NLRP7: variants seen among roughly 807,000 people sequenced by gnomAD.
The protein encoded by NLRP7 is NACHT, LRR and PYD domains-containing protein 7.
NLRP7 carries 72 observed loss-of-function variants against 85.5 expected under a neutral mutation model. The observed-to-expected ratio is 0.84, with a 90% confidence interval of 0.70 to 1.02. The LOEUF is 1.02. Ranked by LOEUF, NLRP7 falls within the 50% of genes least tolerant of loss-of-function variation. The pLI, the probability that NLRP7 is intolerant of heterozygous loss-of-function variation, is 0.00. For synonymous variants in NLRP7, 550 were observed against 505.2 expected (o/e 1.09, Z -1.19); for missense variants, 1,243 against 1,219.5 (o/e 1.02, Z -0.29).
At chr19:54,945,218 G>C (rs1287076337) in intron 1 of NLRP7, among the ~76,000 whole-genome samples, 2 of 148,600 alleles carry the variant, frequency 1.3e-5, no homozygotes, top group African/African-American at 4.9e-5. Flanking sequence ...ACTCCAGCCT[G>C]GGCGAGTGAG....
At chr19:54,925,481 G>A (rs77852456) in intron 9 of NLRP7, among the ~76,000 whole-genome samples, 13 of 152,228 alleles carry the variant, frequency 8.5e-5, no homozygotes, top group African/African-American at 3.1e-4. Context: ...GTTTACATGC[G>A]TATCATCTCT....
At chr19:54,955,489 T>C (rs703475) in intron 1 of NLRP7, among the ~76,000 whole-genome samples, 75,773 of 151,984 alleles carry the variant, frequency 0.5, 21,403 homozygotes, top group African/African-American at 0.79. Context: ...GACAACATGA[T>C]GAAACCTCTT....
intron 4 of NLRP7, among the ~76,000 whole-genome samples, chr19:54,938,527 C>A (rs2069045680): frequency 6.6e-6 from 1 of 152,062 alleles, no homozygotes; most frequent in South Asian, 2.1e-4. Flanking sequence ...AGTTTAAGAC[C>A]AACTTGGGCT....
At chr19:54,950,857 G>T (rs1051297069), upstream of NLRP7, among the ~76,000 whole-genome samples, 1 of 152,220 alleles carries the variant, frequency 6.6e-6, no homozygotes, top group Non-Finnish European at 1.5e-5. Flanking sequence ...GGGACGGTCA[G>T]GTCTTTCCCT....
upstream of NLRP7, among the ~76,000 whole-genome samples, chr19:54,949,833 T>C (rs2146263147): frequency 6.6e-6 from 1 of 152,300 alleles, no homozygotes; most frequent in South Asian, 2.1e-4. Flanking sequence ...GGGTGTCCTG[T>C]GGCTCATGCC....
Position 54,934,940 on chromosome 19 carries a change from A to T in NLRP7, c.2301-281T>A, listed in dbSNP as rs1244819421. On this transcript the variant is annotated intron_variant, in intron 6 of 9. Transcript: ENST00000340844. The surrounding 1 kb of genome is among the most constrained non-coding windows in gnomAD (Gnocchi z 6.7). Reference sequence around the variant, plus strand: ...TTGAACTCCTGACCTCAGGTGATCCACCCACCTTGGCCTACCGAAGTACTG... The same window carrying T: ...TTGAACTCCTGACCTCAGGTGATCCTCCCACCTTGGCCTACCGAAGTACTG... Among the ~76,000 whole-genome samples the T allele has an allele frequency of 6.6e-6, 1 of 151,932 alleles. No individual in the cohort carries two copies. The highest frequency in any genetic ancestry group is 1.5e-5 in the Non-Finnish European group (1 of 67,968).
upstream of NLRP7, chr19:54,948,934 C>A (rs114859581): frequency 0.011 from 2,181 of 194,440 alleles, 25 homozygotes; most frequent in Non-Finnish European, 0.018. Context: ...AGCAAATGGT[C>A]CCACAAATGA....
upstream of NLRP7, among the ~76,000 whole-genome samples, chr19:54,950,292 C>T (rs2069627191): frequency 1.3e-5 from 2 of 152,038 alleles, no homozygotes; most frequent in African/African-American, 4.8e-5. Flanking sequence ...TATGAAAGGG[C>T]GGGTTGCCCC....
rs77448328 is a variant in NLRP7 at position 54,935,939 on chromosome 19, G to A, written c.2300+322C>T. 0.033 allele frequency among the ~76,000 whole-genome samples: 5,063 copies of A among 152,104 alleles called. 259 individuals carry two copies. The highest frequency in any genetic ancestry group is 0.11 in the African/African-American group (4,556 of 41,466). ...GGAAAAAACTGTCTTGTGCAAAACC[G>A]GCCCGCGGTGCAGAAAAGGCTGGGG... On this transcript the variant is annotated intron_variant, in intron 6 of 9. Coordinates refer to ENST00000340844, the Ensembl canonical transcript of NLRP7.
At chr19:54,941,207 C>CAA (rs111382825) in intron 2 of NLRP7, among the ~76,000 whole-genome samples, 2 of 142,852 alleles carry the variant, frequency 1.4e-5, no homozygotes, top group African/African-American at 2.6e-5. Flanking sequence ...ACTAAAAATA[C>CAA]AAAAAAAAAA....
chr19:54,930,107 C>T (rs2068610683), intron 9 of NLRP7, among the ~76,000 whole-genome samples: 3 of 118,702 alleles, frequency 2.5e-5, no homozygotes, highest in Admixed American at 9.3e-5. Flanking sequence ...TAGAACGAGG[C>T]TCCGTCTCAA....
At chr19:54,947,501 G>A in exon 1 of NLRP7, 1 of 1,289,766 alleles carries the variant, frequency 7.8e-7, no homozygotes, top group Non-Finnish European at 1.0e-6. Context: ...TCCAGCCTGT[G>A]TTTCCTGCAA....
Position 54,954,399 on chromosome 19 carries a change from G to A in NLRP7, c.-76-6894C>T, listed in dbSNP as rs563554398. 1.2e-4 allele frequency among the ~76,000 whole-genome samples: 18 copies of A among 144,582 alleles called. 1 individual carries two copies. Among genetic ancestry groups the A allele is most frequent in the East Asian group, 2.0e-4 (1 of 5,092 alleles). 94.9% of individuals were successfully genotyped at this position (144,582 alleles called of 152,430 possible). A position where few individuals can be genotyped will look rare whatever the true frequency, so the allele number is the denominator to read the frequency against. On this transcript the variant is annotated intron_variant, in intron 1 of 2. Transcript: ENST00000587103. ...CAACTAATTAGCTGGGTGCGGTGGCGGGCGCCTGTAGTCCCAGCTACTCGG... is the reference window on the plus strand; with the variant it reads ...CAACTAATTAGCTGGGTGCGGTGGCAGGCGCCTGTAGTCCCAGCTACTCGG...
At chr19:54,958,817 A>G (rs1450004082) in intron 1 of NLRP7, among the ~76,000 whole-genome samples, 1 of 152,136 alleles carries the variant, frequency 6.6e-6, no homozygotes, top group African/African-American at 2.4e-5. Flanking sequence ...AAGCTCCTCG[A>G]GTGCACAGTT....
chr19:54,944,772 T>C (rs999883135), intron 1 of NLRP7, among the ~76,000 whole-genome samples: 1 of 151,710 alleles, frequency 6.6e-6, no homozygotes, highest in Non-Finnish European at 1.5e-5. Context: ...GTCTCTATTT[T>C]TTAAGTATTT....
intron 8 of NLRP7, among the ~76,000 whole-genome samples, chr19:54,932,529 AT>A (rs1196468587): frequency 1.3e-5 from 2 of 152,158 alleles, no homozygotes; most frequent in African/African-American, 2.4e-5. Flanking sequence ...TCTAACCATA[AT>A]TTTAATGTGA....
At chr19:54,953,569 C>G (rs1168906420) in intron 1 of NLRP7, among the ~76,000 whole-genome samples, 1 of 151,698 alleles carries the variant, frequency 6.6e-6, no homozygotes, top group African/African-American at 2.4e-5. Flanking sequence ...GGGCTGTCTG[C>G]TTGTGGATTT....
chr19:54,944,001 C>T (rs2146241764), intron 1 of NLRP7, among the ~76,000 whole-genome samples: 1 of 152,148 alleles, frequency 6.6e-6, no homozygotes, highest in South Asian at 2.1e-4. Flanking sequence ...ATCTCAAGCA[C>T]CCAGGGACAC....
intron 8 of NLRP7, among the ~76,000 whole-genome samples, chr19:54,931,963 C>G (rs2068699033): frequency 6.6e-6 from 1 of 152,050 alleles, no homozygotes; most frequent in Non-Finnish European, 1.5e-5. Flanking sequence ...AGCCCTGGGT[C>G]ACTTATTTTC....
Sources: gnomAD v4.1 joint callset for allele counts (sites outside exome capture counted in the v4.1 genomes callset) on GRCh38, gnomAD v4.1.1 for gene constraint, Gnocchi (gnomAD v3.1) non-coding constraint, MANE v1.5 for transcripts, NCBI Gene and HGNC (gene_info 2026-07-23, HGNC 2026-07-21) for gene names.